The following SYCP2L variants were observed in gnomAD, a reference collection of about 807,000 sequenced individuals.
The protein encoded by SYCP2L is synaptonemal complex protein 2 like, also known as synaptonemal complex protein 2-like.
SYCP2L carries 98 observed loss-of-function variants against 125.8 expected under a neutral mutation model. The observed-to-expected ratio is 0.78, with a 90% confidence interval of 0.66 to 0.92. The LOEUF is 0.92. SYCP2L is among the 40% of genes least tolerant of loss of function. SYCP2L has a pLI of 0.00. For synonymous variants in SYCP2L, 317 were observed against 325.4 expected, an observed-to-expected ratio of 0.97 and a Z score of 0.28; for missense variants, 842 against 936.4, an observed-to-expected ratio of 0.90 and a Z score of 1.32.
chr6:10,928,650 C>T (rs76251432), intron 18 of SYCP2L, among the ~76,000 whole-genome samples, 200 bp downstream of exon 18: 252 of 152,312 alleles, frequency 1.7e-3, no homozygotes, highest in Middle Eastern at 6.8e-3. Context: ...GTGATCCTCC[C>T]GCTTCAGCTT....
intron 8 of SYCP2L, among the ~76,000 whole-genome samples, chr6:10,903,497 G>A (rs779404003): frequency 1.3e-5 from 2 of 152,142 alleles, no homozygotes; most frequent in African/African-American, 2.4e-5. Flanking sequence ...GCAGTGAGCC[G>A]AGATCGCGCC....
chr6:10,907,716 A>G, intron 10 of SYCP2L, 32 bp downstream of exon 10: 2 of 1,606,840 alleles, frequency 1.2e-6, no homozygotes, highest in African/African-American at 2.7e-5. Context: ...ATTTCTTATT[A>G]GCCAATATTT....
At chr6:10,919,747 C>T (rs560509491) in intron 14 of SYCP2L, among the ~76,000 whole-genome samples, 1 of 152,184 alleles carries the variant, frequency 6.6e-6, no homozygotes, top group African/African-American at 2.4e-5. Context: ...GTGGGTCTTG[C>T]TGTGGCTGCT....
chr6:10,911,223 C>A (rs183514770), intron 12 of SYCP2L, among the ~76,000 whole-genome samples: 1 of 152,048 alleles, frequency 6.6e-6, no homozygotes, highest in Non-Finnish European at 1.5e-5. Flanking sequence ...TCTTTCCTTC[C>A]GGTTTATGCC....
intron 28 of SYCP2L, among the ~76,000 whole-genome samples, chr6:10,961,761 C>A (rs1781597714): frequency 6.6e-6 from 1 of 152,070 alleles, no homozygotes; most frequent in Admixed American, 6.6e-5. Context: ...TCTTGAAAAG[C>A]CTGATGTCCA....
At chr6:10,924,731 T>C (rs1167398993) in intron 15 of SYCP2L, 90 bp downstream of exon 15, 15 of 1,206,494 alleles carry the variant, frequency 1.2e-5, no homozygotes, top group Non-Finnish European at 1.6e-5. Flanking sequence ...GATGTGAATA[T>C]TTGATAAAGC....
intron 23 of SYCP2L, among the ~76,000 whole-genome samples, chr6:10,951,244 T>C (rs890677444): frequency 6.6e-6 from 1 of 152,066 alleles, no homozygotes; most frequent in Non-Finnish European, 1.5e-5. Context: ...GGCAACATAG[T>C]GAGACCCTGT....
intron 6 of SYCP2L, among the ~76,000 whole-genome samples, chr6:10,900,163 G>A (rs1780353787): frequency 6.6e-6 from 1 of 152,122 alleles, no homozygotes; most frequent in Admixed American, 6.5e-5. Context: ...CAATTGGGAG[G>A]CTAAGCCAAC....
chr6:10,943,423 C>G (rs1238960570), intron 23 of SYCP2L, among the ~76,000 whole-genome samples: 1 of 152,182 alleles, frequency 6.6e-6, no homozygotes, highest in African/African-American at 2.4e-5. Context: ...CTATTGCTTT[C>G]AAAATCCTGG....
At chr6:10,921,225 G>A (rs138638116) in intron 14 of SYCP2L, among the ~76,000 whole-genome samples, 2,736 of 152,094 alleles carry the variant, frequency 0.018, 93 homozygotes, top group African/African-American at 0.061. Flanking sequence ...TTTTTTTATG[G>A]CTGCATAGTA....
chr6:10,896,317 G>C (rs1201076106), intron 4 of SYCP2L, among the ~76,000 whole-genome samples: 1 of 152,150 alleles, frequency 6.6e-6, no homozygotes, highest in African/African-American at 2.4e-5. Flanking sequence ...GACAATGTGT[G>C]ACCAGGGCAC....
At chr6:10,958,997 C>T (rs917111645) in intron 26 of SYCP2L, 122 bp downstream of exon 26, 2 of 779,516 alleles carry the variant, frequency 2.6e-6, no homozygotes, top group Admixed American at 5.4e-5. Context: ...AGGATTGATA[C>T]ATCATTTAAC....
chr6:10,905,142 CAAAAA>C lies in SYCP2L; in HGVS notation c.642-858_642-854del, dbSNP rs34659978. On this transcript the variant is annotated intron_variant, in intron 8 of 29. Coordinates refer to ENST00000283141, the MANE Select transcript of SYCP2L (RefSeq NM_001040274.3). ...TGGGTGACAGAGCCAGACTTGGTCTCAAAAAAAAAAAAAAAAAAAAAAAAGAAGAA... is the reference window on the plus strand; with the variant it reads ...TGGGTGACAGAGCCAGACTTGGTCTCAAAAAAAAAAAAAAAAAAAGAAGAA... Among the ~76,000 whole-genome samples, 3 of 54,662 alleles carry C rather than the reference CAAAAA, an allele frequency of 5.5e-5. No homozygotes were observed. The South Asian group carries it at 3.0e-3, about 54-fold the overall frequency. The allele number at this position is 54,662 out of a possible 152,430, so 35.9% of individuals were successfully genotyped here.
chr6:10,967,462 T>TGTGC (rs1160330065), intron 29 of SYCP2L, among the ~76,000 whole-genome samples: 29 of 145,966 alleles, frequency 2.0e-4, no homozygotes, highest in African/African-American at 7.9e-4. Flanking sequence ...AGGGTGTGTG[T>TGTGC]GTGTGTGTGT....
chr6:10,932,025 G>C (rs1299280725), intron 20 of SYCP2L, among the ~76,000 whole-genome samples: 2 of 134,882 alleles, frequency 1.5e-5, no homozygotes, highest in African/African-American at 5.5e-5. Flanking sequence ...CCCAAATGTT[G>C]CTGGAGGATG....
chr6:10,891,395 C>T, intron 1 of SYCP2L, 118 bp from the exon 2 acceptor site: 1 of 807,920 alleles, frequency 1.2e-6, no homozygotes, highest in Non-Finnish European at 1.9e-6. Flanking sequence ...AATTTCTGTT[C>T]AGGAAAACAA....
chr6:10,891,219 TAG>T (rs1780165930), intron 1 of SYCP2L, among the ~76,000 whole-genome samples: 1 of 152,250 alleles, frequency 6.6e-6, no homozygotes, highest in African/African-American at 2.4e-5. Context: ...ATCATCATTA[TAG>T]AGTTTGTTTA....
In SYCP2L at chr6:10,969,487, A is replaced by G. The variant is rs538293435; in HGVS notation, c.*38-4465A>G. On this transcript the variant is annotated intron_variant, in intron 29 of 29. Coordinates refer to ENST00000283141, the MANE Select transcript of SYCP2L (RefSeq NM_001040274.3). ...GCCATTCTCCAGCCTCAGCCTCCCG[A>G]GTAGCTGGGACTACAGGCGCCCGCC... Among the ~76,000 whole-genome samples the G allele has an allele frequency of 2.6e-3, 386 of 150,220 alleles. 1 individual carries two copies. The highest frequency in any genetic ancestry group is 3.9e-3 in the Non-Finnish European group (265 of 67,764).
At position 10,902,065 on chromosome 6, in the gene SYCP2L, A is replaced by G. The variant is rs1256682141; in HGVS notation, c.467-612A>G. On this transcript the variant is annotated intron_variant, in intron 6 of 29. Transcript: ENST00000283141. ...CTGCCCTCCAGATGAACCAGTCACT[A>G]TGAAAGGATAAATGGGCCACCTCTG... 3.3e-5 allele frequency among the ~76,000 whole-genome samples: 5 copies of G among 152,354 alleles called. 1 individual carries two copies. In the South Asian group the frequency reaches 8.3e-4, roughly 25 times the overall value.
Sources: allele counts gnomAD v4.1 joint callset (sites outside exome capture counted in the v4.1 genomes callset), GRCh38; gene constraint gnomAD v4.1.1; transcripts MANE v1.5; gene names NCBI Gene and HGNC (gene_info 2026-07-23, HGNC 2026-07-21).